Variants in SH2D6 observed in about 807,000 individuals in gnomAD.
SH2D6 encodes the protein SH2 domain-containing protein 6.
SH2D6 carries 31 observed loss-of-function variants against 30.2 expected under a neutral mutation model. The observed-to-expected ratio is 1.03, with a 90% confidence interval of 0.77 to 1.38. The LOEUF is 1.38. SH2D6 is among the 40% of genes most tolerant of loss of function. SH2D6 has a pLI of 0.00. For missense variants in SH2D6, 240 were observed against 266.8 expected (o/e 0.90, Z 0.70); for synonymous variants, 93 against 104.6 (o/e 0.89, Z 0.68).
rs199578152 is a variant in SH2D6 at position 85,435,052 on chromosome 2, C to T, written c.590-13C>T. ...CCCCACCCCACCCCAGCTCAATAAT[C>T]TGCTTCTTCTAGAAGGAAGGAAATC... On this transcript the variant is annotated splice_polypyrimidine_tract_variant and intron_variant, in intron 19 of 23. Transcript: ENST00000469800. 37 of 920,564 alleles carry T rather than the reference C, an allele frequency of 4.0e-5. No homozygotes were observed. The East Asian group carries it at 1.4e-3, about 35-fold the overall frequency. The allele number at this position is 920,564 out of a possible 1,614,324, so 57.0% of individuals were successfully genotyped here.
chr2:85,419,407 C>G (rs1687665202), intron 2 of SH2D6, among the ~76,000 whole-genome samples, 163 bp downstream of exon 2: 1 of 152,216 alleles, frequency 6.6e-6, no homozygotes, highest in South Asian at 2.1e-4. Flanking sequence ...AGGGACTTAC[C>G]CAGACCCTTC....
rs1018077836 is a variant in SH2D6, at chr2:85,436,566, T to C, written c.992T>C (p.Phe331Ser). 22 of 1,613,566 alleles carry C rather than the reference T, an allele frequency of 1.4e-5. No homozygotes were observed. The Admixed American group carries it at 1.7e-4, about 12-fold the overall frequency. Residue 331 changes from phenylalanine (F) to serine (S), a missense_variant, in exon 23 of 24, where the codon TTC becomes TCC. Transcript: ENST00000469800. ...SGSRELTCLLFPTKP is the reference protein window; with the variant it reads ...SGSRELTCLLSPTKP Reference sequence around the variant, plus strand: ...AGCCGGGAACTCACCTGCCTGCTCTTCCCCACCAAGCCTTGAGGCCACAGC... The same window carrying C: ...AGCCGGGAACTCACCTGCCTGCTCTCCCCCACCAAGCCTTGAGGCCACAGC...
intron 18 of SH2D6, 36 bp downstream of exon 18, chr2:85,434,406 GCAGGGAGGGAGGCT>G: frequency 6.4e-7 from 1 of 1,550,586 alleles, no homozygotes; most frequent in Non-Finnish European, 8.7e-7. Flanking sequence ...AGAGAGGGAG[GCAGGGAGGGAGGCT>G]CAGGGTGGGA....
At position 85,429,985 on chromosome 2, in the gene SH2D6, G is replaced by A. The variant is rs1688420765; in HGVS notation, c.34G>A (p.Gly12Arg). 6.5e-6 allele frequency: 1 copy of A among 152,806 alleles called. No individual in the cohort carries two copies. The highest frequency in any genetic ancestry group is 1.9e-4 in the East Asian group (1 of 5,184). 9.5% of individuals were successfully genotyped at this position (152,806 alleles called of 1,614,324 possible). Residue 12 changes from glycine to arginine, a missense_variant, in exon 10 of 24, where the codon GGG (glycine) becomes AGG (arginine). Gly to Arg is a moderately radical substitution (Grantham distance 125). Coordinates refer to ENST00000469800, the MANE Select transcript of SH2D6 (RefSeq NM_001394463.1). ...TTGACTAGAATGTGCTTGCAGGCTG[G>A]GGCCACCGCTCCCACCCCCCAGATG... The part of the protein sequence containing the change: ...DKLSGSRPRL[G>R]PPLPPPRCVD...
Position 85,433,127 on chromosome 2 carries a change from C to T in SH2D6, c.393+6C>T. ...AGGGTGCATCGTCCAGAGTGGTGAG[C>T]AGCCCCTCCATTTCCACCTCAGTTT... On this transcript the variant is annotated splice_donor_region_variant and intron_variant, in intron 15 of 23. Transcript: ENST00000469800. 1 of 985,924 alleles carries T rather than the reference C, an allele frequency of 1.0e-6. No homozygotes were observed. Among genetic ancestry groups the T allele is most frequent in the Non-Finnish European group, 1.2e-6 (1 of 829,976 alleles). The allele number at this position is 985,924 out of a possible 1,614,324, so 61.1% of individuals were successfully genotyped here.
chr2:85,435,760 C>G lies in SH2D6; in HGVS notation c.827C>G (p.Pro276Arg). 1 of 1,610,762 alleles carries G rather than the reference C, an allele frequency of 6.2e-7. No homozygotes were observed. Among genetic ancestry groups the G allele is most frequent in the Non-Finnish European group, 8.5e-7 (1 of 1,178,658 alleles). ...VLLRGRVFNI[P>R]IRRLDGGRHY... ...CTCCGAGGCCGGGTCTTCAACATTC[C>G]CATCCGGCGGCTGGATGGCGGACGC... Residue 276 changes from proline to arginine, a missense_variant, in exon 22 of 24, where the codon CCC becomes CGC. Pro to Arg is a moderately radical substitution (Grantham distance 103). Coordinates refer to ENST00000469800, the MANE Select transcript of SH2D6 (RefSeq NM_001394463.1).
intron 22 of SH2D6, 21 bp downstream of exon 22, chr2:85,435,845 G>A (rs757896914): frequency 1.3e-6 from 2 of 1,564,264 alleles, no homozygotes; most frequent in Non-Finnish European, 1.7e-6. Flanking sequence ...GAGGAGGCAG[G>A]GGCCTAAGGA....
At chr2:85,423,085 G>T (rs1049252444) in intron 5 of SH2D6, among the ~76,000 whole-genome samples, 1 of 152,100 alleles carries the variant, frequency 6.6e-6, no homozygotes, top group South Asian at 2.1e-4. Context: ...ACAGGGTTTC[G>T]CCATGTTGGC....
chr2:85,432,460 C>T (rs1474297608), intron 14 of SH2D6, among the ~76,000 whole-genome samples: 30 of 151,006 alleles, frequency 2.0e-4, no homozygotes, highest in East Asian at 5.8e-4. Flanking sequence ...AGTGCAGTGG[C>T]GCAATCTCGG....
intron 19 of SH2D6, 28 bp downstream of exon 19, chr2:85,434,525 G>C: frequency 1.9e-6 from 3 of 1,549,146 alleles, no homozygotes; most frequent in Non-Finnish European, 2.6e-6. Flanking sequence ...CAAAGGTAGT[G>C]AGTTATCCCA....
At chr2:85,432,096 T>C (rs1454173325) in intron 14 of SH2D6, 137 bp downstream of exon 14, 2 of 152,524 alleles carry the variant, frequency 1.3e-5, no homozygotes, top group Non-Finnish European at 2.9e-5. Context: ...TGCCCCTTTT[T>C]AACCTACCAA....
At position 85,435,759 on chromosome 2, in the gene SH2D6, C is replaced by T; in HGVS notation, c.826C>T (p.Pro276Ser). 1 of 1,610,916 alleles carries T rather than the reference C, an allele frequency of 6.2e-7. No homozygotes were observed. The highest frequency in any genetic ancestry group is 1.7e-4 in the Middle Eastern group (1 of 6,052). Residue 276 changes from proline to serine, a missense_variant, in exon 22 of 24, where the codon CCC becomes TCC. Coordinates refer to ENST00000469800, the MANE Select transcript of SH2D6 (RefSeq NM_001394463.1). ...VLLRGRVFNI[P>S]IRRLDGGRHY... ...TCTCCGAGGCCGGGTCTTCAACATT[C>T]CCATCCGGCGGCTGGATGGCGGACG... is the stretch of plus-strand genomic sequence containing the variant.
At chr2:85,421,193 C>T (rs1278511573) in intron 2 of SH2D6, among the ~76,000 whole-genome samples, 13 of 152,188 alleles carry the variant, frequency 8.5e-5, no homozygotes, top group Admixed American at 8.5e-4. Flanking sequence ...AGGGGAGGAA[C>T]AGACGCCGGC....
chr2:85,427,503 C>A (rs1240953597), intron 6 of SH2D6, among the ~76,000 whole-genome samples: 1 of 152,208 alleles, frequency 6.6e-6, no homozygotes, highest in African/African-American at 2.4e-5. Flanking sequence ...CTCACCCAGG[C>A]CTTGGCATTT....
intron 2 of SH2D6, among the ~76,000 whole-genome samples, chr2:85,420,669 T>G (rs1337368686): frequency 1.3e-5 from 2 of 152,244 alleles, no homozygotes; most frequent in African/African-American, 4.8e-5. Flanking sequence ...CAGCAAAACT[T>G]GTCCTAACTT....
Position 85,434,004 on chromosome 2 carries a change from C to T in SH2D6, c.455-29C>T, listed in dbSNP as rs1307809366. ...ATGGATTCCCTGCCTGGTGCTCAGC[C>T]GAGCCCAGCCTGCCCCTCCCTGTTT... is the stretch of plus-strand genomic sequence containing the variant. On this transcript the variant is annotated intron_variant, in intron 16 of 23. Coordinates refer to ENST00000469800, the MANE Select transcript of SH2D6 (RefSeq NM_001394463.1). 53 of 1,541,022 alleles carry T rather than the reference C, an allele frequency of 3.4e-5. No individual in the cohort carries two copies. The South Asian group carries it at 5.3e-4, about 15-fold the overall frequency.
chr2:85,435,624 G>A (rs1201388241), intron 21 of SH2D6, 42 bp from the exon 22 acceptor site: 6 of 1,579,158 alleles, frequency 3.8e-6, no homozygotes, highest in Non-Finnish European at 5.2e-6. Flanking sequence ...CAGTGGGAGG[G>A]CCATTGGAAG....
chr2:85,433,090 T>A lies in SH2D6; in HGVS notation c.371-9T>A, dbSNP rs966586144. On this transcript the variant is annotated splice_polypyrimidine_tract_variant and intron_variant, in intron 14 of 23. Coordinates refer to ENST00000469800, the MANE Select transcript of SH2D6 (RefSeq NM_001394463.1). Reference sequence around the variant, plus strand: ...TGCATGACAGGTGGTTCTCTCCTTTTCCTTTCAGAGCAGGGTGCATCGTCC... The same window carrying A: ...TGCATGACAGGTGGTTCTCTCCTTTACCTTTCAGAGCAGGGTGCATCGTCC... 2.7e-5 allele frequency: 27 copies of A among 985,822 alleles called. No homozygotes were observed. In the African/African-American group the frequency reaches 4.5e-4, roughly 17 times the overall value. 61.1% of individuals were successfully genotyped at this position (985,822 alleles called of 1,614,324 possible). A position where few individuals can be genotyped will look rare whatever the true frequency, so the allele number is the denominator to read the frequency against.
chr2:85,427,671 G>A lies in SH2D6; in HGVS notation c.-208-913G>A, dbSNP rs116660443. On this transcript the variant is annotated intron_variant, in intron 6 of 23. Coordinates refer to ENST00000469800, the MANE Select transcript of SH2D6 (RefSeq NM_001394463.1). ...GTCCCCTTGGGTGAGGGAAGTTGCCGCCTGCCTTATGGTTCAAATGTGGAA... is the reference window on the plus strand; with the variant it reads ...GTCCCCTTGGGTGAGGGAAGTTGCCACCTGCCTTATGGTTCAAATGTGGAA... Among the ~76,000 whole-genome samples, 1,303 of 152,348 alleles carry A rather than the reference G, an allele frequency of 8.6e-3. 19 individuals carry two copies. Among genetic ancestry groups the A allele is most frequent in the African/African-American group, 0.03 (1,249 of 41,578 alleles).
Sources: gnomAD v4.1 joint callset for allele counts (sites outside exome capture counted in the v4.1 genomes callset) on GRCh38, gnomAD v4.1.1 for gene constraint, MANE v1.5 for transcripts, NCBI Gene and HGNC (gene_info 2026-07-23, HGNC 2026-07-21) for gene names.